SURF4: variants seen among roughly 807,000 people sequenced by gnomAD.
The protein encoded by SURF4 is surfeit locus protein 4.
A neutral mutation model predicts 30.0 loss-of-function variants in SURF4; 3 were observed. The ratio of observed to expected loss-of-function variants is 0.10; its 90% CI spans 0.05 to 0.26. The LOEUF is 0.26. Among genes scored for constraint, SURF4 ranks in the 10% least tolerant of loss-of-function variants. The probability of loss-of-function intolerance (pLI) is 1.00; values close to 1 mark genes in which losing one functional copy is unlikely to be tolerated. For synonymous variants in SURF4, 143 were observed against 139.9 expected (o/e 1.02, Z -0.16); for missense variants, 217 against 350.8 (o/e 0.62, Z 3.05).
In SURF4 at chr9:133,366,649, T is replaced by G. The variant is rs1837193946; in HGVS notation, c.262A>C (p.Asn88His). Reference protein sequence around the residue: ...LTGCVLVLSRNFVQYACFGLF... With the variant: ...LTGCVLVLSRHFVQYACFGLF... ...CCGAAGCAGGCGTACTGCACGAAGTTCCTGCTCAACACCAGGACGCAGCCA... is the reference window on the plus strand; with the variant it reads ...CCGAAGCAGGCGTACTGCACGAAGTGCCTGCTCAACACCAGGACGCAGCCA... Residue 88 changes from asparagine (N) to histidine (H), a missense_variant, in exon 3 of 6, where the codon AAC (asparagine) becomes CAC (histidine). Transcript: ENST00000371989. 6.2e-7 allele frequency: 1 copy of G among 1,613,790 alleles called. No homozygotes were observed. Among genetic ancestry groups the G allele is most frequent in the African/African-American group, 1.3e-5 (1 of 74,984 alleles).
chr9:133,375,429 G>C (rs1462107211), intron 1 of SURF4: 9 of 986,072 alleles, frequency 9.1e-6, no homozygotes, highest in African/African-American at 1.7e-5. Context: ...GCTTCCTGTA[G>C]CTGGGGCGCA....
At position 133,371,450 on chromosome 9, in the gene SURF4, A is replaced by G. The variant is rs189034018; in HGVS notation, c.49-4005T>C. Among the ~76,000 whole-genome samples, 675 of 152,248 alleles carry G rather than the reference A, an allele frequency of 4.4e-3. 1 individual carries two copies. Among genetic ancestry groups the G allele is most frequent in the Non-Finnish European group, 6.9e-3 (471 of 68,012 alleles). On this transcript the variant is annotated intron_variant, in intron 1 of 5. Transcript: ENST00000371989. ...GGCCAGAAAGGATGTCGCCAGCCCA[A>G]TGTGGGAGATGATGGCCTGGCTTTA...
chr9:133,363,212 C>T lies in SURF4; in HGVS notation c.*281G>A, dbSNP rs912335765. The T allele has an allele frequency of 1.6e-6, 1 of 620,168 alleles. No homozygotes were observed. The highest frequency in any genetic ancestry group is 2.9e-5 in the Admixed American group (1 of 34,780). The allele number at this position is 620,168 out of a possible 1,614,324, so 38.4% of individuals were successfully genotyped here. ...ACTCAAAAATAGGACTGAGATGCCA[C>T]AGCCAAGCGGGCTGTTCACTCCAAA... On this transcript the variant is annotated 3_prime_UTR_variant, in exon 6 of 6. Coordinates refer to ENST00000371989, the MANE Select transcript of SURF4 (RefSeq NM_033161.4). The surrounding 1 kb of genome is among the most constrained non-coding windows in gnomAD (Gnocchi z 4.3).
chr9:133,365,061 T>C (rs1301925232), intron 4 of SURF4, 35 bp from the exon 5 acceptor site: 1 of 1,485,436 alleles, frequency 6.7e-7, no homozygotes, highest in East Asian at 2.5e-5. Context: ...AAGCTAAGCC[T>C]CACCAGGATC....
chr9:133,366,044 A>G lies in SURF4; in HGVS notation c.313-16T>C. The G allele has an allele frequency of 6.2e-7, 1 of 1,613,736 alleles. No homozygotes were observed. Among genetic ancestry groups the G allele is most frequent in the Middle Eastern group, 1.6e-4 (1 of 6,062 alleles). Reference sequence around the variant, plus strand: ...AGGCAATCGTCTGAGGGGAAAGAAGAGAGAGATACTTGAGTCTCAGCCTTT... The same window carrying G: ...AGGCAATCGTCTGAGGGGAAAGAAGGGAGAGATACTTGAGTCTCAGCCTTT... On this transcript the variant is annotated splice_polypyrimidine_tract_variant and intron_variant, in intron 3 of 5. Transcript: ENST00000371989.
chr9:133,364,210 G>C (rs1357100575), intron 5 of SURF4, among the ~76,000 whole-genome samples: 7 of 152,142 alleles, frequency 4.6e-5, no homozygotes, highest in Non-Finnish European at 8.8e-5. Context: ...TGACACACAG[G>C]AATTACTTGA....
chr9:133,370,858 A>C, intron 1 of SURF4: 1 of 1,289,350 alleles, frequency 7.8e-7, no homozygotes, highest in Non-Finnish European at 1.0e-6. Context: ...TGCAGGAAGA[A>C]GATGACAGTT....
chr9:133,371,381 C>G (rs1435670119), intron 1 of SURF4, among the ~76,000 whole-genome samples: 1 of 152,226 alleles, frequency 6.6e-6, no homozygotes. Flanking sequence ...CTTCCCCGAG[C>G]CCCGCTCCCA....
upstream of SURF4, chr9:133,376,252 G>GAGGCCCCGCCCGCCGCGCGC: frequency 2.3e-6 from 3 of 1,303,176 alleles, no homozygotes; most frequent in African/African-American, 4.7e-5. Flanking sequence ...TCTCACGCTG[G>GAGGCCCCGCCCGCCGCGCGC]AGGCCCCGCC....
intron 1 of SURF4, among the ~76,000 whole-genome samples, chr9:133,372,844 A>T (rs1344639558): frequency 6.6e-6 from 1 of 152,158 alleles, no homozygotes; most frequent in Admixed American, 6.5e-5. Flanking sequence ...CCATATTTTG[A>T]CTTCGAACCC....
At chr9:133,376,683 G>A (rs1237616740), upstream of SURF4, 8 of 824,694 alleles carry the variant, frequency 9.7e-6, no homozygotes, top group African/African-American at 1.3e-4. Flanking sequence ...GTGTCGGCCT[G>A]CAGCTCCTAG....
At chr9:133,373,909 C>CAAAAAAAAAAAAAAAAAA (rs71824689) in intron 1 of SURF4, among the ~76,000 whole-genome samples, 26 of 47,558 alleles carry the variant, frequency 5.5e-4, no homozygotes, top group African/African-American at 8.0e-4. Flanking sequence ...AATTCTGTCT[C>CAAAAAAAAAAAAAAAAAA]AAAAAAAAAA....
At position 133,361,691 on chromosome 9, in the gene SURF4, A is replaced by T. The variant is rs1239649412; in HGVS notation, c.*1802T>A. The T allele has an allele frequency of 6.5e-6, 1 of 154,412 alleles. No individual in the cohort carries two copies. Among genetic ancestry groups the T allele is most frequent in the Non-Finnish European group, 1.4e-5 (1 of 69,562 alleles). 9.6% of individuals were successfully genotyped at this position (154,412 alleles called of 1,614,324 possible). On this transcript the variant is annotated 3_prime_UTR_variant, in exon 6 of 6. Coordinates refer to ENST00000371989, the MANE Select transcript of SURF4 (RefSeq NM_033161.4). ...AGGCCCTAGCCCACCCAGGGCCAGG[A>T]GAAACAGGAACACCCACTAGGACGG...
In SURF4 at chr9:133,363,801, G is replaced by GA. The variant is rs2130093408; in HGVS notation, c.544-43dup. On this transcript the variant is annotated intron_variant, in intron 5 of 5. Transcript: ENST00000371989. The surrounding 1 kb of genome is among the most constrained non-coding windows in gnomAD (Gnocchi z 4.3). ...GTAAGAAATTCAAAATAAATGTGAGGAAAAGAGATGCTTTATAAACAAAAG... is the reference window on the plus strand; with the variant it reads ...GTAAGAAATTCAAAATAAATGTGAGGAAAAAGAGATGCTTTATAAACAAAAG... The GA allele has an allele frequency of 1.2e-6, 2 of 1,611,030 alleles. No homozygotes were observed. The highest frequency in any genetic ancestry group is 1.7e-6 in the Non-Finnish European group (2 of 1,177,636).
At chr9:133,373,251 T>G (rs1837613113) in intron 1 of SURF4, among the ~76,000 whole-genome samples, 1 of 152,172 alleles carries the variant, frequency 6.6e-6, no homozygotes, top group Non-Finnish European at 1.5e-5. Flanking sequence ...CTGTGCCCCC[T>G]CAAGAGCCTT....
At position 133,366,580 on chromosome 9, in the gene SURF4, GACC is replaced by G. The variant is rs2130128174; in HGVS notation, c.312+16_312+18del. The G allele has an allele frequency of 6.2e-7, 1 of 1,613,330 alleles. No individual in the cohort carries two copies. Among genetic ancestry groups the G allele is most frequent in the Non-Finnish European group, 8.5e-7 (1 of 1,179,752 alleles). Reference sequence around the variant, plus strand: ...ACCAGAGCAAAGAGAAGGGAGCCCCGACCACGCGGCCCGTGTACCTGCAGAGCT... The same window carrying G: ...ACCAGAGCAAAGAGAAGGGAGCCCCGACGCGGCCCGTGTACCTGCAGAGCT... On this transcript the variant is annotated intron_variant, in intron 3 of 5. Coordinates refer to ENST00000371989, the MANE Select transcript of SURF4 (RefSeq NM_033161.4).
chr9:133,364,627 A>G (rs2130105269), intron 5 of SURF4, among the ~76,000 whole-genome samples: 1 of 151,588 alleles, frequency 6.6e-6, no homozygotes, highest in Non-Finnish European at 1.5e-5. Context: ...GGGAGGCGGA[A>G]CTTGCGGTGA....
chr9:133,376,014 G>T lies in SURF4; in HGVS notation c.-45C>A. 1 of 1,219,506 alleles carries T rather than the reference G, an allele frequency of 8.2e-7. No homozygotes were observed. Among genetic ancestry groups the T allele is most frequent in the African/African-American group, 1.6e-5 (1 of 63,782 alleles). The allele number at this position is 1,219,506 out of a possible 1,614,324, so 75.5% of individuals were successfully genotyped here. ...GCTCGGCTCGCTCGCTCGCTCGCTG[G>T]CTCTCGCCCGTCGGCGCCCGCACCC... On this transcript the variant is annotated 5_prime_UTR_variant, in exon 1 of 6. Transcript: ENST00000371989.
intron 1 of SURF4, among the ~76,000 whole-genome samples, chr9:133,371,441 G>A (rs1033006770): frequency 5.3e-5 from 8 of 152,178 alleles, no homozygotes; most frequent in East Asian, 1.9e-4. Context: ...AAAGGATGTC[G>A]CCAGCCCAAT....
Sources: gnomAD v4.1 joint callset for allele counts (sites outside exome capture counted in the v4.1 genomes callset) on GRCh38, gnomAD v4.1.1 for gene constraint, Gnocchi (gnomAD v3.1) non-coding constraint, MANE v1.5 for transcripts, NCBI Gene and HGNC (gene_info 2026-07-23, HGNC 2026-07-21) for gene names.